Variants in FNDC3A observed in about 807,000 individuals in gnomAD.
FNDC3A encodes the protein fibronectin type-III domain-containing protein 3A.
A neutral mutation model predicts 148.9 loss-of-function variants in FNDC3A; 32 were observed. The ratio of observed to expected loss-of-function variants is 0.21; its 90% CI spans 0.16 to 0.29. The LOEUF (loss-of-function observed/expected upper bound fraction) is 0.29. Ranked by LOEUF, FNDC3A falls within the 10% of genes least tolerant of loss-of-function variation. The pLI, the probability that FNDC3A is intolerant of heterozygous loss-of-function variation, is 1.00. For missense variants in FNDC3A, 1,191 were observed against 1,452.8 expected, an observed-to-expected ratio of 0.82 and a Z score of 2.93; for synonymous variants, 472 against 473.6, an observed-to-expected ratio of 1.00 and a Z score of 0.04.
intron 2 of FNDC3A, among the ~76,000 whole-genome samples, chr13:49,012,530 T>A (rs944446999): frequency 3.9e-5 from 6 of 152,074 alleles, no homozygotes; most frequent in African/African-American, 1.4e-4. Flanking sequence ...ACATATAAAT[T>A]TTAGAATTAG....
chr13:49,129,724 C>G (rs567807977), intron 4 of FNDC3A, among the ~76,000 whole-genome samples: 1 of 152,256 alleles, frequency 6.6e-6, no homozygotes, highest in East Asian at 1.9e-4. Context: ...TGGTTCTAGA[C>G]CCAGCATATT....
chr13:49,123,877 A>G (rs990834965), intron 4 of FNDC3A, among the ~76,000 whole-genome samples: 51 of 152,348 alleles, frequency 3.3e-4, no homozygotes, highest in Non-Finnish European at 4.0e-4. Context: ...AGAAATAGGA[A>G]CGCTTTTACA....
rs544005124 is a variant in FNDC3A, at chr13:49,085,874, T to G, written c.175+10510T>G. Among the ~76,000 whole-genome samples, 6 of 146,876 alleles carry G rather than the reference T, an allele frequency of 4.1e-5. No individual in the cohort carries two copies. The South Asian group carries it at 1.3e-3, about 31-fold the overall frequency. Reference sequence around the variant, plus strand: ...TTAGGAGTGATCAGTTTCCCATCCATCCTTTTTTTTTTTTTTTTTTCCCCT... The same window carrying G: ...TTAGGAGTGATCAGTTTCCCATCCAGCCTTTTTTTTTTTTTTTTTTCCCCT... On this transcript the variant is annotated intron_variant, in intron 3 of 25. Coordinates refer to ENST00000492622, the MANE Select transcript of FNDC3A (RefSeq NM_001079673.2).
intron 7 of FNDC3A, among the ~76,000 whole-genome samples, chr13:49,140,838 G>A (rs913155923): frequency 6.6e-6 from 1 of 152,222 alleles, no homozygotes; most frequent in Non-Finnish European, 1.5e-5. Context: ...CAGTCAGAGT[G>A]TGTAATAGGA....
chr13:49,148,636 G>C (rs1383715374), intron 8 of FNDC3A, among the ~76,000 whole-genome samples: 1 of 152,170 alleles, frequency 6.6e-6, no homozygotes, highest in East Asian at 1.9e-4. Flanking sequence ...GTCAGGTAGA[G>C]TGATGCCTCC....
rs1886429578 is a variant in FNDC3A at position 49,201,781 on chromosome 13, ATAGTTAT to A, written c.2988-17_2988-11del. 1.5e-6 allele frequency: 2 copies of A among 1,325,160 alleles called. No homozygotes were observed. Among genetic ancestry groups the A allele is most frequent in the East Asian group, 2.6e-5 (1 of 38,100 alleles). 82.1% of individuals were successfully genotyped at this position (1,325,160 alleles called of 1,614,324 possible). On this transcript the variant is annotated splice_polypyrimidine_tract_variant and intron_variant, in intron 23 of 25. Coordinates refer to ENST00000492622, the MANE Select transcript of FNDC3A (RefSeq NM_001079673.2). ...CATAAGGTAGTATAAGGTTTATCTA[ATAGTTAT>A]TTCCATTTTAGGTTTGTATCCCTAT...
intron 2 of FNDC3A, chr13:49,045,694 C>T: frequency 8.7e-7 from 1 of 1,155,526 alleles, no homozygotes; most frequent in Admixed American, 2.6e-5. Flanking sequence ...ACAACTTTGC[C>T]ACCAATAGCT....
intron 15 of FNDC3A, 93 bp from the exon 16 acceptor site, chr13:49,187,029 T>A (rs1389658702): frequency 1.2e-5 from 10 of 827,824 alleles, no homozygotes; most frequent in East Asian, 2.6e-5. Context: ...TTTTTTTTTT[T>A]AAACCTAGTT....
At chr13:49,176,248 T>C (rs974318919) in intron 13 of FNDC3A, among the ~76,000 whole-genome samples, 5 of 152,186 alleles carry the variant, frequency 3.3e-5, no homozygotes, top group Admixed American at 2.0e-4. Flanking sequence ...TTGTTTGTAA[T>C]AGTTTCAGAA....
intron 2 of FNDC3A, among the ~76,000 whole-genome samples, chr13:49,061,100 T>C (rs948792002): frequency 1.3e-5 from 2 of 151,814 alleles, no homozygotes; most frequent in Non-Finnish European, 2.9e-5. Flanking sequence ...AAAATTAAAA[T>C]TGAAAGAGGG....
At chr13:49,168,290 A>C (rs1884581207) in intron 9 of FNDC3A, among the ~76,000 whole-genome samples, 2 of 152,250 alleles carry the variant, frequency 1.3e-5, no homozygotes, top group South Asian at 4.1e-4. Context: ...GGTTATATTC[A>C]GCATTTTTTA....
chr13:48,977,504 TC>T (rs1266503899), intron 1 of FNDC3A, among the ~76,000 whole-genome samples: 1 of 152,256 alleles, frequency 6.6e-6, no homozygotes, highest in Non-Finnish European at 1.5e-5. Flanking sequence ...ACTCTTGTCA[TC>T]TTGTGTCACC....
In FNDC3A at chr13:49,141,679, A is replaced by G. The variant is rs566386904; in HGVS notation, c.819+2874A>G. The stretch of plus-strand genomic sequence containing the variant: ...TTTAACAGTTTAGCTTCCTAGATAT[A>G]TACTTAATTTAACCCAATGGACAGT... On this transcript the variant is annotated intron_variant, in intron 7 of 25. Transcript: ENST00000492622. 4.6e-5 allele frequency among the ~76,000 whole-genome samples: 7 copies of G among 152,340 alleles called. No individual in the cohort carries two copies. The South Asian group carries it at 1.4e-3, about 32-fold the overall frequency.
At chr13:49,007,667 T>C (rs1039610001) in intron 2 of FNDC3A, among the ~76,000 whole-genome samples, 1 of 152,104 alleles carries the variant, frequency 6.6e-6, no homozygotes, top group Non-Finnish European at 1.5e-5. Flanking sequence ...AGAAGGAAAT[T>C]GCAGAATTTT....
chr13:49,112,916 T>C (rs986063346), intron 3 of FNDC3A, among the ~76,000 whole-genome samples: 5 of 152,238 alleles, frequency 3.3e-5, no homozygotes, highest in African/African-American at 1.2e-4. Flanking sequence ...ATGGGAAGAG[T>C]ATCTTATTGA....
chr13:49,167,395 T>TA, intron 9 of FNDC3A, 92 bp downstream of exon 9: 1 of 721,850 alleles, frequency 1.4e-6, no homozygotes, highest in Non-Finnish European at 2.2e-6. Context: ...GTATATAATT[T>TA]AAACATTAAT....
In FNDC3A at chr13:49,197,005, A is replaced by G. The variant is rs1395628925; in HGVS notation, c.2340+15A>G. 16 of 1,430,128 alleles carry G rather than the reference A, an allele frequency of 1.1e-5. No individual in the cohort carries two copies. The highest frequency in any genetic ancestry group is 1.1e-4 in the South Asian group (9 of 83,976). 88.6% of individuals were successfully genotyped at this position (1,430,128 alleles called of 1,614,324 possible). On this transcript the variant is annotated intron_variant, in intron 20 of 25. Transcript: ENST00000492622. Reference sequence around the variant, plus strand: ...TGAATTGGGAGGTATTGTAATTTCCATTGACTTGTATCTACTTTCTTAAGT... The same window carrying G: ...TGAATTGGGAGGTATTGTAATTTCCGTTGACTTGTATCTACTTTCTTAAGT...
chr13:49,071,809 T>C (rs1877717114), intron 2 of FNDC3A, among the ~76,000 whole-genome samples: 1 of 151,866 alleles, frequency 6.6e-6, no homozygotes, highest in South Asian at 2.1e-4. Flanking sequence ...AGTTTGCAGA[T>C]ATTTTCTCCT....
At position 49,034,335 on chromosome 13, in the gene FNDC3A, G is replaced by C. The variant is rs563649806; in HGVS notation, c.99+28046G>C. ...TAATTATCATTCACCTTTAAAGAGTGTTCTAAGTAATTATATTTTGGTTAA... is the reference window on the plus strand; with the variant it reads ...TAATTATCATTCACCTTTAAAGAGTCTTCTAAGTAATTATATTTTGGTTAA... On this transcript the variant is annotated intron_variant, in intron 2 of 25. Coordinates refer to ENST00000492622, the MANE Select transcript of FNDC3A (RefSeq NM_001079673.2). Among the ~76,000 whole-genome samples, 5 of 152,108 alleles carry C rather than the reference G, an allele frequency of 3.3e-5. No homozygotes were observed. The East Asian group carries it at 7.7e-4, about 23-fold the overall frequency.
Sources: allele counts gnomAD v4.1 joint callset (sites outside exome capture counted in the v4.1 genomes callset), GRCh38; gene constraint gnomAD v4.1.1; transcripts MANE v1.5; gene names NCBI Gene and HGNC (gene_info 2026-07-23, HGNC 2026-07-21).